ANXA8: variants seen among roughly 807,000 people sequenced by gnomAD.
ANXA8 encodes annexin A8.
In ANXA8, 9 loss-of-function variants were observed where a neutral mutation model predicts 26.8. The observed-to-expected ratio is 0.34, with a 90% confidence interval of 0.20 to 0.59. The LOEUF (loss-of-function observed/expected upper bound fraction) is 0.59, where lower values mean the gene tolerates loss of function less well. Ranked by LOEUF, ANXA8 falls within the 20% of genes least tolerant of loss-of-function variation. ANXA8 has a pLI of 0.84. For missense variants in ANXA8, 83 were observed against 238.5 expected (o/e 0.35, Z 4.29); for synonymous variants, 39 against 94.8 (o/e 0.41, Z 3.42).
At chr10:47,525,706 A>T in the ANXA8 span, among the ~76,000 whole-genome samples, 1 of 135,116 alleles carries the variant, frequency 7.4e-6, no homozygotes, top group Non-Finnish European at 1.6e-5. Flanking sequence ...TGTTTCTCTA[A>T]TTTCATTTTC....
At chr10:47,696,320 C>T in the ANXA8 span, 6 of 423,808 alleles carry the variant, frequency 1.4e-5, no homozygotes, top group East Asian at 2.8e-4. Context: ...GGGAGGCATG[C>T]ATAATATTTT....
the ANXA8 span, among the ~76,000 whole-genome samples, chr10:47,981,174 C>A: frequency 6.6e-6 from 1 of 151,612 alleles, no homozygotes; most frequent in African/African-American, 2.4e-5. Flanking sequence ...AATTAATACA[C>A]CACATTAATA....
chr10:47,747,807 A>G, the ANXA8 span, among the ~76,000 whole-genome samples: 1 of 151,952 alleles, frequency 6.6e-6, no homozygotes, highest in South Asian at 2.1e-4. Flanking sequence ...TGGGTGGAAT[A>G]GAGACTTTCA....
chr10:47,651,751 G>T, the ANXA8 span, among the ~76,000 whole-genome samples: 1 of 151,790 alleles, frequency 6.6e-6, no homozygotes, highest in Non-Finnish European at 1.5e-5. Flanking sequence ...AAAATTAGCC[G>T]AACATGGTGG....
At chr10:47,693,347 T>C in the ANXA8 span, among the ~76,000 whole-genome samples, 1 of 150,872 alleles carries the variant, frequency 6.6e-6, no homozygotes, top group African/African-American at 2.5e-5. Flanking sequence ...TAGAGTGCAG[T>C]GGCGCGATGT....
At chr10:47,928,996 C>CT in the ANXA8 span, among the ~76,000 whole-genome samples, 3,568 of 134,708 alleles carry the variant, frequency 0.026, 72 homozygotes, top group Non-Finnish European at 0.04. Flanking sequence ...GCTGGTTTTC[C>CT]TTTTTTTTTT....
chr10:47,572,513 C>T, the ANXA8 span, among the ~76,000 whole-genome samples: 1 of 150,848 alleles, frequency 6.6e-6, no homozygotes, highest in South Asian at 2.1e-4. Flanking sequence ...GTCAGGAGTT[C>T]GAGACCAGCC....
At chr10:47,658,268 C>T in the ANXA8 span, among the ~76,000 whole-genome samples, 1 of 150,122 alleles carries the variant, frequency 6.7e-6, no homozygotes, top group Non-Finnish European at 1.5e-5. Flanking sequence ...CTCGGGTAGT[C>T]CCAACTACTT....
chr10:47,968,074 C>T, the ANXA8 span, among the ~76,000 whole-genome samples: 41 of 151,396 alleles, frequency 2.7e-4, no homozygotes, highest in African/African-American at 9.4e-4. Context: ...AAATACAGTC[C>T]TCGAGATTTT....
the ANXA8 span, among the ~76,000 whole-genome samples, chr10:47,492,161 A>G: frequency 6.6e-6 from 1 of 150,978 alleles, no homozygotes; most frequent in African/African-American, 2.4e-5. Context: ...TCATGAACAC[A>G]AGTGGAATGA....
the ANXA8 span, among the ~76,000 whole-genome samples, chr10:47,612,377 T>G: frequency 3.6e-5 from 2 of 55,294 alleles, 1 homozygote; most frequent in Non-Finnish European, 7.5e-5. Context: ...GACATGAATT[T>G]GGGAAAAATG....
chr10:47,691,046 G>T, the ANXA8 span: 6 of 1,610,810 alleles, frequency 3.7e-6, no homozygotes, highest in Middle Eastern at 2.3e-4. Flanking sequence ...TTTAGTCATG[G>T]TGCTATCTCC....
the ANXA8 span, among the ~76,000 whole-genome samples, chr10:47,959,947 G>A: frequency 1.3e-5 from 2 of 151,274 alleles, no homozygotes; most frequent in South Asian, 2.1e-4. Context: ...CTGTGCCTAG[G>A]CCTGCAGACC....
chr10:47,989,521 T>G, the ANXA8 span, among the ~76,000 whole-genome samples: 151 of 114,628 alleles, frequency 1.3e-3, 7 homozygotes, highest in African/African-American at 4.3e-3. Context: ...ATAAGTGTTC[T>G]GGGAATCGGA....
the ANXA8 span, among the ~76,000 whole-genome samples, chr10:47,952,421 G>A: frequency 6.6e-6 from 1 of 150,382 alleles, no homozygotes. Context: ...AAGGTCATAA[G>A]ATACAATGGT....
chr10:47,937,651 C>T, the ANXA8 span, among the ~76,000 whole-genome samples: 1 of 142,066 alleles, frequency 7.0e-6, no homozygotes, highest in East Asian at 2.0e-4. Flanking sequence ...CAGTGTCTGT[C>T]GTTCCCCTCT....
chr10:47,561,417 CTAT>C, the ANXA8 span, among the ~76,000 whole-genome samples: 1 of 151,608 alleles, frequency 6.6e-6, no homozygotes, highest in Non-Finnish European at 1.5e-5. Context: ...AATGTGTAAT[CTAT>C]TATTATTTAC....
the ANXA8 span, among the ~76,000 whole-genome samples, chr10:47,748,436 C>T: frequency 6.6e-6 from 1 of 151,872 alleles, no homozygotes; most frequent in South Asian, 2.1e-4. Context: ...TGGTCTCAAA[C>T]TTCTGACCTC....
the ANXA8 span, among the ~76,000 whole-genome samples, chr10:47,899,388 A>ATT: frequency 8.6e-5 from 7 of 81,074 alleles, no homozygotes; most frequent in African/African-American, 2.7e-4. Flanking sequence ...TAAAAATATT[A>ATT]TTTTTTTTTG....
Sources: allele counts gnomAD v4.1 joint callset (sites outside exome capture counted in the v4.1 genomes callset), GRCh38; gene constraint gnomAD v4.1.1; transcripts MANE v1.5; gene names NCBI Gene and HGNC (gene_info 2026-07-23, HGNC 2026-07-21).